The following STMN1 variants were observed in gnomAD, a reference collection of about 807,000 sequenced individuals.
STMN1 encodes the protein stathmin 1.
STMN1 carries 3 observed loss-of-function variants against 19.7 expected under a neutral mutation model. The observed-to-expected ratio is 0.15, with a 90% CI of 0.07 to 0.39. The LOEUF (loss-of-function observed/expected upper bound fraction) is 0.39, where lower values mean the gene tolerates loss of function less well. STMN1 is among the 10% of genes least tolerant of loss of function. The pLI, the probability that STMN1 is intolerant of heterozygous loss-of-function variation, is 1.00. For missense variants in STMN1, 99 were observed against 176.0 expected, an observed-to-expected ratio of 0.56 and a Z score of 2.48; for synonymous variants, 59 against 58.9, an observed-to-expected ratio of 1.00 and a Z score of -0.01.
chr1:25,891,116 TG>T (rs1295095948), intron 4 of STMN1, among the ~76,000 whole-genome samples: 1 of 152,130 alleles, frequency 6.6e-6, no homozygotes, highest in Non-Finnish European at 1.5e-5. Flanking sequence ...CTGGATCACC[TG>T]AGGTCAGGAG....
At chr1:25,895,640 G>T (rs1207273409), downstream of STMN1, among the ~76,000 whole-genome samples, 1 of 152,206 alleles carries the variant, frequency 6.6e-6, no homozygotes, top group African/African-American at 2.4e-5. Context: ...GCAAGCCCAG[G>T]GTTGCCAGAT....
intron 4 of STMN1, chr1:25,892,410 ATCTC>A: frequency 5.4e-5 from 20 of 368,056 alleles, no homozygotes; most frequent in South Asian, 1.1e-4. Context: ...TTTAAATAAA[ATCTC>A]TGCCCTGCCT....
At chr1:25,899,417 C>T (rs566578240), downstream of STMN1, among the ~76,000 whole-genome samples, 18 of 152,328 alleles carry the variant, frequency 1.2e-4, no homozygotes, top group South Asian at 3.7e-3. Flanking sequence ...CTCATCCTGT[C>T]CTCTTGGTTT....
At chr1:25,903,363 T>G (rs755290249) in intron 3 of STMN1, 3 of 333,720 alleles carry the variant, frequency 9.0e-6, no homozygotes, top group Non-Finnish European at 1.7e-5. Context: ...CAACACTTAC[T>G]AGTTGTATGA....
chr1:25,903,419 A>G (rs1319311757), intron 3 of STMN1: 4 of 507,728 alleles, frequency 7.9e-6, no homozygotes, highest in Non-Finnish European at 1.3e-5. Context: ...TCTAATTTCC[A>G]TTATTTGAGG....
chr1:25,892,744 G>T, intron 4 of STMN1: 1 of 271,126 alleles, frequency 3.7e-6, no homozygotes, highest in Non-Finnish European at 5.6e-6. Flanking sequence ...GCTTTGCAGT[G>T]CCTGGCTGGC....
chr1:25,897,311 G>GAAAA (rs745773752), downstream of STMN1, among the ~76,000 whole-genome samples: 3 of 94,166 alleles, frequency 3.2e-5, no homozygotes, highest in Admixed American at 1.5e-4. Context: ...AGACTGTCTC[G>GAAAA]AAAAAAAAAA....
chr1:25,898,303 CA>C (rs1349033009), downstream of STMN1, among the ~76,000 whole-genome samples: 1 of 152,158 alleles, frequency 6.6e-6, no homozygotes, highest in East Asian at 1.9e-4. Flanking sequence ...ATCTGACTTC[CA>C]AAAGGACAAG....
chr1:25,885,887 A>T, intron 4 of STMN1: 1 of 1,539,728 alleles, frequency 6.5e-7, no homozygotes, highest in Admixed American at 2.1e-5. Context: ...AAAAAGAAAA[A>T]TCACCAGGTC....
Position 25,885,636 on chromosome 1 carries a change from A to G in STMN1, c.*87T>C, listed in dbSNP as rs1044893920. 1.5e-5 allele frequency: 21 copies of G among 1,425,742 alleles called. No homozygotes were observed. The South Asian group carries it at 2.6e-4, about 18-fold the overall frequency. The allele number at this position is 1,425,742 out of a possible 1,614,324, so 88.3% of individuals were successfully genotyped here. ...CTGCCTGACCCCAAAGGCTTTTTCT[A>G]TCTTCCACATCAAGGATCCTCTTGG... is the stretch of plus-strand genomic sequence containing the variant. On this transcript the variant is annotated 3_prime_UTR_variant, in exon 5 of 5. Coordinates refer to the STMN1 transcript ENST00000426559.
At chr1:25,905,772 G>A (rs2124261897) in intron 1 of STMN1, 1 of 152,298 alleles carries the variant, frequency 6.6e-6, no homozygotes, top group East Asian at 1.9e-4. Context: ...AGTTCAGCGG[G>A]TGGGGCAGGC....
chr1:25,896,274 A>G (rs765273701), downstream of STMN1, among the ~76,000 whole-genome samples: 4 of 152,158 alleles, frequency 2.6e-5, no homozygotes, highest in Non-Finnish European at 5.9e-5. Flanking sequence ...ATTCACTGAG[A>G]CAATGCAAAT....
At chr1:25,904,808 CTCACA>C (rs1251595431) in intron 1 of STMN1, 70 bp from the exon 2 acceptor site, 2 of 1,210,946 alleles carry the variant, frequency 1.7e-6, no homozygotes, top group East Asian at 2.6e-5. Context: ...CCAAAAAAAT[CTCACA>C]TCACATCTAC....
In STMN1 at chr1:25,904,837, A is replaced by G. The variant is rs2048919061; in HGVS notation, c.-62-99T>C. The G allele has an allele frequency of 6.7e-6, 5 of 744,316 alleles. No homozygotes were observed. The East Asian group carries it at 1.6e-4, about 23-fold the overall frequency. The allele number at this position is 744,316 out of a possible 1,614,324, so 46.1% of individuals were successfully genotyped here. On this transcript the variant is annotated intron_variant, in intron 1 of 4. Transcript: ENST00000455785. ...CATCACATCTACATACATCGTCAGA[A>G]AAATACGTGGAATAAAGACGTCTAA...
intron 4 of STMN1, among the ~76,000 whole-genome samples, chr1:25,894,132 C>T (rs1047841034): frequency 6.6e-6 from 1 of 152,148 alleles, no homozygotes; most frequent in Non-Finnish European, 1.5e-5. Context: ...GGAAGTGGTG[C>T]CTGTTCCTGG....
At chr1:25,895,109 T>C in intron 4 of STMN1, among the ~76,000 whole-genome samples, 2 of 134,866 alleles carry the variant, frequency 1.5e-5, no homozygotes, top group South Asian at 4.4e-4. Context: ...CTTTTTTTTT[T>C]TTTTTTTTTT....
chr1:25,893,915 A>G (rs2048797264), intron 4 of STMN1, among the ~76,000 whole-genome samples: 1 of 152,174 alleles, frequency 6.6e-6, no homozygotes, highest in African/African-American at 2.4e-5. Context: ...ACAGGGAGTC[A>G]TGGGGTGGGG....
At chr1:25,887,883 C>T (rs978446498) in intron 4 of STMN1, among the ~76,000 whole-genome samples, 13 of 152,134 alleles carry the variant, frequency 8.5e-5, no homozygotes, top group Non-Finnish European at 1.9e-4. Flanking sequence ...GACGGGGTTT[C>T]GCCATTTTGG....
chr1:25,885,910 G>C (rs1215212266), intron 4 of STMN1: 1 of 1,518,026 alleles, frequency 6.6e-7, no homozygotes, highest in Admixed American at 2.2e-5. Flanking sequence ...CTGCAACCCA[G>C]AGGCCAAGGG....
Sources: allele counts gnomAD v4.1 joint callset (sites outside exome capture counted in the v4.1 genomes callset), GRCh38; gene constraint gnomAD v4.1.1; transcripts MANE v1.5; gene names NCBI Gene and HGNC (gene_info 2026-07-23, HGNC 2026-07-21).